EPC1: variants seen among roughly 807,000 people sequenced by gnomAD.
EPC1 encodes the protein enhancer of polycomb homolog 1.
Under a neutral mutation model 98.4 loss-of-function variants are expected in EPC1, and 12 were observed. The ratio of observed to expected loss-of-function variants is 0.12; its 90% CI spans 0.08 to 0.20. The LOEUF is 0.20. Among genes scored for constraint, EPC1 ranks in the 10% least tolerant of loss-of-function variants. The pLI, the probability that EPC1 is intolerant of heterozygous loss-of-function variation, is 1.00. For synonymous variants in EPC1, 357 were observed against 363.9 expected (o/e 0.98, Z 0.21); for missense variants, 729 against 990.5 (o/e 0.74, Z 3.54).
At chr10:32,301,369 T>C (rs12240795) in intron 2 of EPC1, among the ~76,000 whole-genome samples, 7,337 of 152,292 alleles carry the variant, frequency 0.048, 487 homozygotes, top group African/African-American at 0.15. Context: ...TAAATTGACC[T>C]ATAGACTTAA....
At chr10:32,354,332 T>C (rs1839209266) in intron 1 of EPC1, among the ~76,000 whole-genome samples, 3 of 152,090 alleles carry the variant, frequency 2.0e-5, no homozygotes, top group African/African-American at 7.2e-5. Flanking sequence ...TGGGCGCCTG[T>C]AATCCCAGCT....
intron 1 of EPC1, among the ~76,000 whole-genome samples, chr10:32,329,644 T>C (rs1837522792): frequency 6.6e-6 from 1 of 152,224 alleles, no homozygotes; most frequent in Non-Finnish European, 1.5e-5. Context: ...ATGTCCCTTC[T>C]AATCTCTAAA....
chr10:32,304,268 T>C (rs1835745559), intron 2 of EPC1, among the ~76,000 whole-genome samples: 1 of 152,182 alleles, frequency 6.6e-6, no homozygotes, highest in South Asian at 2.1e-4. Context: ...ATAATGTAAA[T>C]TAGTATAATT....
intron 6 of EPC1, among the ~76,000 whole-genome samples, chr10:32,289,239 A>G (rs1041905036): frequency 3.3e-5 from 5 of 152,212 alleles, no homozygotes; most frequent in African/African-American, 1.2e-4. Context: ...TTTGGGGCAC[A>G]GCTCTAACTT....
In EPC1 at chr10:32,293,642, A is replaced by G; in HGVS notation, c.409T>C (p.Leu137=). The change falls in exon 3 of 14, where the codon TTG becomes CTG. Residue 137 remains leucine, a synonymous_variant. Coordinates refer to ENST00000319778, the MANE Select transcript of EPC1 (RefSeq NM_001272004.3). ...KLKKKMDICP[L]QFEEMIDRLE... is the part of the protein sequence containing the mutation. ...CGGTCAATCATCTCCTCAAATTGCAATGGGCAGATGTCCATTTTCTTTTTC... is the reference window on the plus strand; with the variant it reads ...CGGTCAATCATCTCCTCAAATTGCAGTGGGCAGATGTCCATTTTCTTTTTC... 1 of 1,613,766 alleles carries G rather than the reference A, an allele frequency of 6.2e-7. No individual in the cohort carries two copies.
rs111778900 is a variant in EPC1, at chr10:32,353,864, T to A, written c.3+24627A>T. Among the ~76,000 whole-genome samples the A allele has an allele frequency of 9.0e-3, 1,368 of 152,346 alleles. 26 individuals are homozygous for A. Among genetic ancestry groups the A allele is most frequent in the African/African-American group, 0.029 (1,209 of 41,574 alleles). On this transcript the variant is annotated intron_variant, in intron 1 of 13. Coordinates refer to the EPC1 transcript ENST00000375110. Reference sequence around the variant, plus strand: ...TCTCTTAACTTCCTGCTTTTTACTTTCATAATAAGCTACATAAAGAAATGA... The same window carrying A: ...TCTCTTAACTTCCTGCTTTTTACTTACATAATAAGCTACATAAAGAAATGA...
At chr10:32,272,615 T>A (rs939257096) in intron 11 of EPC1, among the ~76,000 whole-genome samples, 1 of 152,238 alleles carries the variant, frequency 6.6e-6, no homozygotes, top group Non-Finnish European at 1.5e-5. Context: ...TGGGATAAGA[T>A]AACTATCCCT....
At chr10:32,275,774 A>G (rs760054161) in intron 10 of EPC1, among the ~76,000 whole-genome samples, 18 of 136,686 alleles carry the variant, frequency 1.3e-4, no homozygotes, top group Non-Finnish European at 1.8e-4. Flanking sequence ...GACTCCTTCT[A>G]AAAAAAAAAA....
Position 32,269,078 on chromosome 10 carries a change from C to T in EPC1, c.2427G>A (p.Ala809=), listed in dbSNP as rs753386744. 27 of 1,613,698 alleles carry T rather than the reference C, an allele frequency of 1.7e-5. 1 individual carries two copies. The South Asian group carries it at 2.0e-4, about 12-fold the overall frequency. The change falls in exon 14 of 14, where the codon GCG becomes GCA. Residue 809 remains alanine (A), a synonymous_variant. Transcript: ENST00000319778. ...ALNNIADNTV[A]MEVT ...TCGGAGGAAGCTACGTCACCTCCAT[C>T]GCTACTGTGTTGTCTGCTATGTTGT...
At chr10:32,293,827 T>G (rs1834987314) in intron 2 of EPC1, 90 bp from the exon 3 acceptor site, 7 of 1,203,752 alleles carry the variant, frequency 5.8e-6, no homozygotes, top group South Asian at 1.9e-5. Context: ...GACCTAGACT[T>G]TCTAAAGAAA....
intron 2 of EPC1, among the ~76,000 whole-genome samples, chr10:32,299,321 G>GA (rs1334566500): frequency 6.6e-6 from 1 of 152,064 alleles, no homozygotes; most frequent in Non-Finnish European, 1.5e-5. Flanking sequence ...GAGTAGCTGG[G>GA]ATTACAGGCG....
upstream of EPC1, among the ~76,000 whole-genome samples, chr10:32,351,572 C>T (rs1429348516): frequency 4.0e-5 from 6 of 151,506 alleles, no homozygotes; most frequent in African/African-American, 1.2e-4. Context: ...GCAGGAGAAT[C>T]GCTTTAACCC....
chr10:32,325,083 G>A (rs1343250719), intron 1 of EPC1, among the ~76,000 whole-genome samples: 2 of 152,200 alleles, frequency 1.3e-5, no homozygotes, highest in African/African-American at 2.4e-5. Context: ...AACAAAACAA[G>A]TGTCAACCTA....
At chr10:32,365,444 C>A (rs1240178761) in intron 1 of EPC1, among the ~76,000 whole-genome samples, 1 of 151,910 alleles carries the variant, frequency 6.6e-6, no homozygotes, top group Non-Finnish European at 1.5e-5. Context: ...GAGAAAAATA[C>A]CAACAACAAC....
intron 1 of EPC1, among the ~76,000 whole-genome samples, chr10:32,339,782 CT>C (rs1352025518): frequency 6.6e-6 from 1 of 152,164 alleles, no homozygotes; most frequent in Non-Finnish European, 1.5e-5. Context: ...GCCTTATTCA[CT>C]CCTCAGAGCT....
intron 2 of EPC1, 26 bp downstream of exon 2, chr10:32,305,746 C>T (rs1234839102): frequency 2.0e-6 from 3 of 1,533,320 alleles, no homozygotes; most frequent in African/African-American, 1.4e-5. Flanking sequence ...ATAGAAAATA[C>T]AATCATTAAG....
At chr10:32,346,146 T>G (rs1838780448) in intron 1 of EPC1, among the ~76,000 whole-genome samples, 1 of 152,162 alleles carries the variant, frequency 6.6e-6, no homozygotes, top group Non-Finnish European at 1.5e-5. Flanking sequence ...CCCTCGACAT[T>G]TCCTTGCAGA....
At chr10:32,362,107 C>G (rs191503209) in intron 1 of EPC1, among the ~76,000 whole-genome samples, 2 of 152,262 alleles carry the variant, frequency 1.3e-5, no homozygotes, top group Admixed American at 6.5e-5. Flanking sequence ...CGGGGCTGCT[C>G]TGTGTGTGGA....
Position 32,311,830 on chromosome 10 carries a change from G to A in EPC1, c.154-5899C>T, listed in dbSNP as rs543204735. Among the ~76,000 whole-genome samples the A allele has an allele frequency of 9.9e-5, 15 of 152,228 alleles. No homozygotes were observed. In the South Asian group the frequency reaches 2.3e-3, roughly 23 times the overall value. On this transcript the variant is annotated intron_variant, in intron 1 of 13. Transcript: ENST00000319778. ...TCTAGTCTCTTTCTCAAAATATACCGCATTCACCCTTATTGTGATGTGAGA... is the reference window on the plus strand; with the variant it reads ...TCTAGTCTCTTTCTCAAAATATACCACATTCACCCTTATTGTGATGTGAGA...
Sources: gnomAD v4.1 joint callset for allele counts (sites outside exome capture counted in the v4.1 genomes callset) on GRCh38, gnomAD v4.1.1 for gene constraint, MANE v1.5 for transcripts, NCBI Gene and HGNC (gene_info 2026-07-23, HGNC 2026-07-21) for gene names.